Variants in DMD observed in about 807,000 individuals in gnomAD.
DMD encodes the protein mutant dystrophin.
A neutral mutation model predicts 330.1 loss-of-function variants in DMD; 63 were observed. That is an observed-to-expected ratio of 0.19 (90% CI 0.16 to 0.24). The LOEUF (loss-of-function observed/expected upper bound fraction) is 0.24, where lower values mean the gene tolerates loss of function less well. DMD is among the 10% of genes least tolerant of loss of function. DMD has a pLI of 1.00. For missense variants in DMD, 3,344 were observed against 2,684.1 expected (o/e 1.25, Z -5.43); for synonymous variants, 1,223 against 959.8 (o/e 1.27, Z -5.07).
In DMD at chrX:32,698,968, C is replaced by CTA. The variant is rs10685377; in HGVS notation, c.831+143_831+144insTA. 2.9e-4 allele frequency: 150 copies of CTA among 518,987 alleles called. 2 individuals carry two copies. Among genetic ancestry groups the CTA allele is most frequent in the Non-Finnish European group, 4.4e-4 (140 of 316,747 alleles). The allele number at this position is 518,987 out of a possible 1,213,427, so 42.8% of individuals were successfully genotyped here. ...AAAATTGAAAAGGTTTAGTCTGTCT[C>CTA]TTTTTGTACATATACATACATTAGG... On this transcript the variant is annotated intron_variant, in intron 8 of 78. Coordinates refer to ENST00000357033, the MANE Select transcript of DMD (RefSeq NM_004006.3).
intron 21 of DMD, among the ~76,000 whole-genome samples, chrX:32,480,580 A>T (rs377080781): frequency 2.8e-4 from 31 of 111,458 alleles, no homozygotes; most frequent in African/African-American, 1.0e-3. Context: ...CTACGTGAGT[A>T]TTTACACAGT....
intron 43 of DMD, among the ~76,000 whole-genome samples, chrX:32,222,057 C>G (rs2097133744): frequency 9.0e-6 from 1 of 111,702 alleles, no homozygotes; most frequent in Admixed American, 9.6e-5. Flanking sequence ...CATATGCGTG[C>G]AAGTGTCTTT....
chrX:32,710,680 A>G (rs974646061), intron 7 of DMD, among the ~76,000 whole-genome samples: 7 of 111,210 alleles, frequency 6.3e-5, no homozygotes, highest in African/African-American at 2.3e-4. Flanking sequence ...ATCTACAGAA[A>G]AAAAAATGTA....
At chrX:31,951,568 A>ATATGCATCT (rs1376978148) in intron 45 of DMD, among the ~76,000 whole-genome samples, 2 of 110,464 alleles carry the variant, frequency 1.8e-5, no homozygotes, top group Non-Finnish European at 3.8e-5. Flanking sequence ...TAAAGATTAC[A>ATATGCATCT]TATGCATCTT....
intron 15 of DMD, among the ~76,000 whole-genome samples, chrX:32,566,429 G>C (rs1193191894): frequency 1.8e-5 from 2 of 112,104 alleles, no homozygotes; most frequent in African/African-American, 6.5e-5. Flanking sequence ...ATTATTTGGA[G>C]ATAAAATCTC....
At chrX:32,457,897 T>C (rs2098367337) in intron 25 of DMD, among the ~76,000 whole-genome samples, 1 of 110,415 alleles carries the variant, frequency 9.1e-6, no homozygotes, top group Non-Finnish European at 1.9e-5. Flanking sequence ...CACTAATAAT[T>C]AAAATATATA....
rs748539948 is a variant in DMD, at chrX:32,448,624, C to T, written c.3618G>A (p.Glu1206=). ...AVEEMKRAKE[E]AQQKEAKVKL... ...TCACTTTCGCTTCTTTTTGTTGGGC[C>T]TCTTCTTTAGCTCTCTGAAAAATAA... Residue 1206 remains glutamate (E), a synonymous_variant, in exon 27 of 79, where the codon GAG becomes GAA. Coordinates refer to ENST00000357033, the MANE Select transcript of DMD (RefSeq NM_004006.3). 1 of 1,205,817 alleles carries T rather than the reference C, an allele frequency of 8.3e-7. No homozygotes were observed. The highest frequency in any genetic ancestry group is 1.1e-6 in the Non-Finnish European group (1 of 892,073).
chrX:31,825,695 G>T (rs1431800072), intron 49 of DMD, among the ~76,000 whole-genome samples: 1 of 111,745 alleles, frequency 8.9e-6, no homozygotes, highest in African/African-American at 3.2e-5. Context: ...ATATAACACT[G>T]TATCACTAAA....
chrX:31,450,853 A>C (rs748972849), intron 59 of DMD, among the ~76,000 whole-genome samples: 4 of 111,639 alleles, frequency 3.6e-5, no homozygotes, highest in Non-Finnish European at 5.7e-5. Flanking sequence ...TGGTGGTTTT[A>C]AGAGAGAAGG....
intron 17 of DMD, among the ~76,000 whole-genome samples, chrX:32,534,767 C>T (rs1398460031): frequency 9.0e-6 from 1 of 111,007 alleles, no homozygotes; most frequent in Non-Finnish European, 1.9e-5. Flanking sequence ...TCATCTAAAT[C>T]AAATTATCTT....
intron 2 of DMD, among the ~76,000 whole-genome samples, chrX:32,891,131 A>G (rs2085159368): frequency 8.9e-6 from 1 of 112,560 alleles, no homozygotes; most frequent in South Asian, 3.6e-4. Context: ...TATATAGCTT[A>G]TATTTCTTTT....
intron 60 of DMD, among the ~76,000 whole-genome samples, chrX:31,366,503 A>ACAT (rs2059260831): frequency 9.8e-6 from 1 of 102,303 alleles, no homozygotes; most frequent in Non-Finnish European, 2.0e-5. Context: ...AAAACATAAA[A>ACAT]AAAAAAATAA....
rs774151183 is a variant in DMD at position 31,499,489 on chromosome X, C to CTTTTTTTTTTTT, written c.8391-2557_8391-2546dup. ...TAACTGAGACCTAGGGAATTCAGTT[C>CTTTTTTTTTTTT]TTTTTTTTTTTTTTTTTTGGTGAGA... On this transcript the variant is annotated intron_variant, in intron 56 of 78. Transcript: ENST00000357033. 1.7e-3 allele frequency among the ~76,000 whole-genome samples: 146 copies of CTTTTTTTTTTTT among 83,652 alleles called. 2 individuals are homozygous for CTTTTTTTTTTTT. Among genetic ancestry groups the CTTTTTTTTTTTT allele is most frequent in the African/African-American group, 6.4e-3 (141 of 21,890 alleles). 72.6% of individuals were successfully genotyped at this position (83,652 alleles called of 115,157 possible). A position where few individuals can be genotyped will look rare whatever the true frequency, so the allele number is the denominator to read the frequency against.
intron 30 of DMD, among the ~76,000 whole-genome samples, chrX:32,392,054 A>C (rs951048386): frequency 2.7e-5 from 3 of 111,604 alleles, no homozygotes; most frequent in Non-Finnish European, 3.8e-5. Context: ...AATTGACAGA[A>C]GAGTCTGGTC....
At chrX:32,449,646 C>CA (rs770542182) in intron 26 of DMD, among the ~76,000 whole-genome samples, 5 of 107,660 alleles carry the variant, frequency 4.6e-5, no homozygotes, top group Admixed American at 3.0e-4. Context: ...TCCCTCATTG[C>CA]AAAAAATAAT....
In DMD at chrX:31,360,078, A is replaced by G. The variant is rs1245594250; in HGVS notation, c.9085-11444T>C. ...GAGCAATTTTTTTTTTTTTGGCACTAGTAAAGGCCCGGATATGAAGGATAA... is the reference window on the plus strand; with the variant it reads ...GAGCAATTTTTTTTTTTTTGGCACTGGTAAAGGCCCGGATATGAAGGATAA... On this transcript the variant is annotated intron_variant, in intron 60 of 78. Coordinates refer to ENST00000357033, the MANE Select transcript of DMD (RefSeq NM_004006.3). Among the ~76,000 whole-genome samples, 4 of 109,614 alleles carry G rather than the reference A, an allele frequency of 3.6e-5. No homozygotes were observed. In the East Asian group the frequency reaches 1.1e-3, roughly 31 times the overall value.
chrX:32,978,189 G>A (rs1478611803), intron 2 of DMD, among the ~76,000 whole-genome samples: 2 of 112,064 alleles, frequency 1.8e-5, no homozygotes, highest in Admixed American at 1.9e-4. Context: ...GAGAAAAGTT[G>A]TGGGAACACA....
At chrX:31,246,556 G>A (rs1303552995) in intron 63 of DMD, among the ~76,000 whole-genome samples, 10 of 112,424 alleles carry the variant, frequency 8.9e-5, no homozygotes, top group Non-Finnish European at 1.9e-4. Context: ...GTATCTCTTA[G>A]TAGGGCCTAA....
rs190639523 is a variant in DMD, at chrX:33,198,111, T to C, written c.31+13171A>G. ...GTCACTGTTTTTCTTTTTTTAATTT[T>C]AGCCATTCTGATAGGTGTATAGTGA... is the stretch of plus-strand genomic sequence containing the variant. On this transcript the variant is annotated intron_variant, in intron 1 of 78. Coordinates refer to ENST00000357033, the MANE Select transcript of DMD (RefSeq NM_004006.3). Among the ~76,000 whole-genome samples, 369 of 111,620 alleles carry C rather than the reference T, an allele frequency of 3.3e-3. 2 individuals are homozygous for C. Among genetic ancestry groups the C allele is most frequent in the African/African-American group, 0.012 (354 of 30,768 alleles).
Sources: allele counts gnomAD v4.1 joint callset (sites outside exome capture counted in the v4.1 genomes callset), GRCh38; gene constraint gnomAD v4.1.1; transcripts MANE v1.5; gene names NCBI Gene and HGNC (gene_info 2026-07-23, HGNC 2026-07-21).